CSMD1: variants seen among roughly 807,000 people sequenced by gnomAD.
CSMD1 encodes CUB and sushi domain-containing protein 1.
CSMD1 carries 213 observed loss-of-function variants against 417.5 expected under a neutral mutation model. The ratio of observed to expected loss-of-function variants is 0.51; its 90% confidence interval spans 0.46 to 0.57. The LOEUF (loss-of-function observed/expected upper bound fraction) is 0.57, where lower values mean the gene tolerates loss of function less well. CSMD1 is among the 20% of genes least tolerant of loss of function. CSMD1 has a pLI of 0.00. For synonymous variants in CSMD1, 2,862 were observed against 1,736.8 expected, an observed-to-expected ratio of 1.65 and a Z score of -16.11; for missense variants, 6,923 against 4,529.7, an observed-to-expected ratio of 1.53 and a Z score of -15.17.
intron 2 of CSMD1, among the ~76,000 whole-genome samples, chr8:4,494,860 A>C (rs1268765306): frequency 6.6e-6 from 1 of 152,202 alleles, no homozygotes; most frequent in African/African-American, 2.4e-5. Flanking sequence ...TAGCAATTCT[A>C]CCTGAAACAT....
intron 3 of CSMD1, among the ~76,000 whole-genome samples, chr8:4,218,244 G>C (rs1185247882): frequency 1.3e-5 from 2 of 152,146 alleles, no homozygotes; most frequent in African/African-American, 4.8e-5. Flanking sequence ...CAGGGATGTA[G>C]CAATTTATCT....
rs543925426 is a variant in CSMD1 at position 4,292,017 on chromosome 8, C to A, written c.415+127936G>T. Among the ~76,000 whole-genome samples the A allele has an allele frequency of 1.1e-4, 16 of 152,176 alleles. No homozygotes were observed. The East Asian group carries it at 3.1e-3, about 29-fold the overall frequency. The stretch of plus-strand genomic sequence containing the variant: ...CCAGAGTGAGTTTGTTGCATAGATC[C>A]ATTATTACCTAGTTACTTTAATAAT... On this transcript the variant is annotated intron_variant, in intron 3 of 69. Transcript: ENST00000635120.
In CSMD1 at chr8:3,823,477, T is replaced by C. The variant is rs987446749; in HGVS notation, c.819-69435A>G. 5.3e-5 allele frequency among the ~76,000 whole-genome samples: 8 copies of C among 152,332 alleles called. No homozygotes were observed. In the East Asian group the frequency reaches 1.2e-3, roughly 22 times the overall value. On this transcript the variant is annotated intron_variant, in intron 5 of 69. Transcript: ENST00000635120. The stretch of plus-strand genomic sequence containing the variant: ...GTTTGCAATTTTTATGCAACGAATG[T>C]ATTTTTGAACCATTTAGCTTATGCT...
intron 26 of CSMD1, among the ~76,000 whole-genome samples, chr8:3,240,320 A>G (rs1799415102): frequency 6.6e-6 from 1 of 152,092 alleles, no homozygotes; most frequent in South Asian, 2.1e-4. Flanking sequence ...CTTAGGATCT[A>G]TGGGGTCAGC....
intron 1 of CSMD1, among the ~76,000 whole-genome samples, chr8:4,765,031 G>A (rs1162745763): frequency 2.0e-5 from 3 of 152,026 alleles, no homozygotes; most frequent in African/African-American, 7.2e-5. Flanking sequence ...TTAAGCAACT[G>A]CATGTTTTCG....
intron 29 of CSMD1, among the ~76,000 whole-genome samples, chr8:3,217,173 A>G (rs909728822): frequency 1.3e-5 from 2 of 152,036 alleles, no homozygotes; most frequent in African/African-American, 4.8e-5. Flanking sequence ...GCTACATGCA[A>G]TGACATCACT....
At chr8:4,389,419 A>G (rs1803695980) in intron 3 of CSMD1, among the ~76,000 whole-genome samples, 1 of 152,214 alleles carries the variant, frequency 6.6e-6, no homozygotes, top group African/African-American at 2.4e-5. Flanking sequence ...GAAACATACG[A>G]AAATCTCACA....
At chr8:3,756,991 G>A (rs75830515) in intron 5 of CSMD1, among the ~76,000 whole-genome samples, 1 of 151,972 alleles carries the variant, frequency 6.6e-6, no homozygotes, top group Non-Finnish European at 1.5e-5. Flanking sequence ...TGTAGAGACT[G>A]GGGGTCTCAC....
chr8:3,902,325 G>C (rs928134089), intron 5 of CSMD1, among the ~76,000 whole-genome samples: 1 of 152,116 alleles, frequency 6.6e-6, no homozygotes, highest in Non-Finnish European at 1.5e-5. Context: ...TACCCAGTAA[G>C]GAGTTTTTTG....
Position 4,006,807 on chromosome 8 carries a change from A to C in CSMD1, c.611-8697T>G, listed in dbSNP as rs376142675. ...TCATATTTCTTTTGTCGCTGAGAGA[A>C]TCCAGGACTTTTCCTATTTTTTTTT... On this transcript the variant is annotated intron_variant, in intron 4 of 69. Coordinates refer to ENST00000635120, the MANE Select transcript of CSMD1 (RefSeq NM_033225.6). Among the ~76,000 whole-genome samples, 11 of 148,834 alleles carry C rather than the reference A, an allele frequency of 7.4e-5. 1 individual carries two copies. The East Asian group carries it at 1.4e-3, about 19-fold the overall frequency.
At chr8:4,060,293 T>G (rs1258831593) in intron 3 of CSMD1, among the ~76,000 whole-genome samples, 1 of 152,150 alleles carries the variant, frequency 6.6e-6, no homozygotes, top group Non-Finnish European at 1.5e-5. Flanking sequence ...GGGACGTATC[T>G]CAGAATAATA....
At chr8:4,399,762 T>C (rs1563133498) in intron 3 of CSMD1, among the ~76,000 whole-genome samples, 1 of 152,194 alleles carries the variant, frequency 6.6e-6, no homozygotes, top group Non-Finnish European at 1.5e-5. Context: ...GGCTCCTGAA[T>C]TTTCCTCATG....
intron 2 of CSMD1, among the ~76,000 whole-genome samples, chr8:4,464,634 C>G (rs377077695): frequency 6.6e-6 from 1 of 152,032 alleles, no homozygotes. Flanking sequence ...GTAAGAGTCC[C>G]AAGTTGAACC....
intron 49 of CSMD1, among the ~76,000 whole-genome samples, chr8:3,068,379 G>T (rs562927941): frequency 6.6e-6 from 1 of 151,936 alleles, no homozygotes; most frequent in Non-Finnish European, 1.5e-5. Context: ...CAAGACTCAG[G>T]ACTTCTAACA....
Position 4,761,959 on chromosome 8 carries a change from C to CTATG in CSMD1, c.86-124402_86-124401insCATA, listed in dbSNP as rs1554472689. Among the ~76,000 whole-genome samples, 4 of 149,936 alleles carry CTATG rather than the reference C, an allele frequency of 2.7e-5. No homozygotes were observed. The East Asian group carries it at 5.9e-4, about 22-fold the overall frequency. On this transcript the variant is annotated intron_variant, in intron 1 of 69. Coordinates refer to ENST00000635120, the MANE Select transcript of CSMD1 (RefSeq NM_033225.6). ...TCTATCTATCTATCTATCTATCTAT[C>CTATG]TATCTAGATTCCCAGTGGAAAAGCA...
intron 9 of CSMD1, among the ~76,000 whole-genome samples, chr8:3,580,421 G>A (rs1036314895): frequency 6.6e-6 from 1 of 152,062 alleles, no homozygotes; most frequent in African/African-American, 2.4e-5. Context: ...CTCCAGAGAG[G>A]GGAAACCAAA....
intron 2 of CSMD1, among the ~76,000 whole-genome samples, chr8:4,465,147 C>G (rs1229217550): frequency 6.6e-6 from 1 of 152,126 alleles, no homozygotes; most frequent in Non-Finnish European, 1.5e-5. Flanking sequence ...AATATTACCC[C>G]CAAACTATGT....
intron 14 of CSMD1, among the ~76,000 whole-genome samples, chr8:3,406,544 C>A (rs922561642): frequency 6.6e-6 from 1 of 152,092 alleles, no homozygotes; most frequent in East Asian, 1.9e-4. Context: ...CTCAAGATTT[C>A]TCTCGTTAGA....
intron 5 of CSMD1, among the ~76,000 whole-genome samples, chr8:3,814,947 C>G (rs1247216762): frequency 6.6e-6 from 1 of 151,742 alleles, no homozygotes; most frequent in Admixed American, 6.6e-5. Flanking sequence ...GTCAGCCATC[C>G]CAAAAAAATG....
Sources: gnomAD v4.1 joint callset for allele counts (sites outside exome capture counted in the v4.1 genomes callset) on GRCh38, gnomAD v4.1.1 for gene constraint, MANE v1.5 for transcripts, NCBI Gene and HGNC (gene_info 2026-07-23, HGNC 2026-07-21) for gene names.